Variants in WASHC4 observed in about 807,000 individuals in gnomAD.
The protein encoded by WASHC4 is WASH complex subunit 7.
In WASHC4, 86 loss-of-function variants were observed where a neutral mutation model predicts 166.6. The ratio of observed to expected loss-of-function variants is 0.52; its 90% confidence interval spans 0.43 to 0.62. The LOEUF (loss-of-function observed/expected upper bound fraction) is 0.62, where lower values mean the gene tolerates loss of function less well. WASHC4 is among the 20% of genes least tolerant of loss of function. WASHC4 has a pLI of 0.00. For missense variants in WASHC4, 1,262 were observed against 1,382.4 expected (o/e 0.91, Z 1.38); for synonymous variants, 446 against 451.6 (o/e 0.99, Z 0.16).
intron 13 of WASHC4, among the ~76,000 whole-genome samples, chr12:105,129,626 G>A (rs1195998019): frequency 6.6e-6 from 1 of 152,204 alleles, no homozygotes; most frequent in Admixed American, 6.5e-5. Context: ...CAGAAGGTCT[G>A]AGAACCATGC....
intron 1 of WASHC4, among the ~76,000 whole-genome samples, chr12:105,108,702 A>G (rs568446740): frequency 2.0e-5 from 3 of 152,302 alleles, no homozygotes; most frequent in Admixed American, 2.0e-4. Context: ...TAATCTGTGT[A>G]AGTGATCTAA....
Position 105,117,885 on chromosome 12 carries a change from T to A in WASHC4, c.436-561T>A, listed in dbSNP as rs572337604. Among the ~76,000 whole-genome samples the A allele has an allele frequency of 3.3e-5, 5 of 152,334 alleles. No individual in the cohort carries two copies. In the South Asian group the frequency reaches 1.0e-3, roughly 32 times the overall value. On this transcript the variant is annotated intron_variant, in intron 6 of 32. Transcript: ENST00000332180. Reference sequence around the variant, plus strand: ...TGTTAGATATGAGCTAATTATTTAATGACAAACATATCCCTAGGATAAGTG... The same window carrying A: ...TGTTAGATATGAGCTAATTATTTAAAGACAAACATATCCCTAGGATAAGTG...
At chr12:105,127,980 T>C (rs1195169324) in intron 13 of WASHC4, among the ~76,000 whole-genome samples, 2 of 152,222 alleles carry the variant, frequency 1.3e-5, no homozygotes, top group African/African-American at 4.8e-5. Flanking sequence ...ACATTCTTTC[T>C]TGAGTACATG....
intron 7 of WASHC4, among the ~76,000 whole-genome samples, chr12:105,118,936 G>A (rs1021787821): frequency 6.6e-5 from 10 of 152,184 alleles, no homozygotes; most frequent in African/African-American, 1.9e-4. Context: ...AAGAAATTTT[G>A]TGAGTAGTTC....
rs78446300 is a variant in WASHC4 at position 105,149,479 on chromosome 12, A to T, written c.2515-136A>T. 1.3e-3 allele frequency: 1,337 copies of T among 1,028,906 alleles called. 22 individuals are homozygous for T. In the African/African-American group the frequency reaches 0.02, roughly 16 times the overall value. 63.7% of individuals were successfully genotyped at this position (1,028,906 alleles called of 1,614,324 possible). A position where few individuals can be genotyped will look rare whatever the true frequency, so the allele number is the denominator to read the frequency against. ...TGTTATTTAAATATTTTCAGGTCCA[A>T]TATGAAATAGACTTTTTAAATAGTA... On this transcript the variant is annotated intron_variant, in intron 24 of 32. Transcript: ENST00000332180.
intron 15 of WASHC4, among the ~76,000 whole-genome samples, chr12:105,138,709 T>C (rs1468937774): frequency 6.6e-6 from 1 of 152,206 alleles, no homozygotes; most frequent in African/African-American, 2.4e-5. Flanking sequence ...TTGGAGATTC[T>C]GCCTTTGGAT....
chr12:105,132,787 AGTGTGTGTGTGTGTGTGT>A (rs58569487), intron 13 of WASHC4, among the ~76,000 whole-genome samples: 8 of 142,428 alleles, frequency 5.6e-5, no homozygotes, highest in Middle Eastern at 3.3e-3. Context: ...TGAAAGAGGT[AGTGTGTGTGTGTGTGTGT>A]GTGTGTGTGT....
intron 1 of WASHC4, among the ~76,000 whole-genome samples, chr12:105,108,539 C>T (rs1452827699): frequency 6.6e-6 from 1 of 152,178 alleles, no homozygotes; most frequent in Non-Finnish European, 1.5e-5. Flanking sequence ...TTTTGCTTCA[C>T]AAGATCGAAT....
chr12:105,149,096 T>C, intron 24 of WASHC4: 2 of 985,140 alleles, frequency 2.0e-6, no homozygotes, highest in African/African-American at 3.5e-5. Context: ...AAGGACCATG[T>C]CTAGCATGGG....
chr12:105,142,579 A>G, intron 19 of WASHC4, 21 bp downstream of exon 19: 1 of 1,261,202 alleles, frequency 7.9e-7, no homozygotes, highest in Non-Finnish European at 1.2e-6. Context: ...AACAATATAA[A>G]GAATAATTCT....
chr12:105,122,064 T>C, intron 9 of WASHC4, 54 bp from the exon 10 acceptor site: 2 of 1,349,866 alleles, frequency 1.5e-6, no homozygotes, highest in Non-Finnish European at 2.0e-6. Flanking sequence ...TTTTAATTTT[T>C]AATTTAAGAA....
At chr12:105,139,425 G>GTATATATATATA (rs71069791) in intron 15 of WASHC4, among the ~76,000 whole-genome samples, 9,733 of 101,538 alleles carry the variant, frequency 0.096, 789 homozygotes, top group Non-Finnish European at 0.11. Flanking sequence ...ATGTGTGTGT[G>GTATATATATATA]TATATATATA....
Position 105,140,283 on chromosome 12 carries a change from A to T in WASHC4, c.1453-11A>T. 6.3e-7 allele frequency: 1 copy of T among 1,594,154 alleles called. No individual in the cohort carries two copies. Among genetic ancestry groups the T allele is most frequent in the African/African-American group, 1.3e-5 (1 of 74,594 alleles). On this transcript the variant is annotated splice_polypyrimidine_tract_variant and intron_variant, in intron 15 of 32. Transcript: ENST00000332180. Reference sequence around the variant, plus strand: ...GTTGATTGTCAGAAAATTATTTCTGATTCTTTTTAGGCAATAGAGCATATG... The same window carrying T: ...GTTGATTGTCAGAAAATTATTTCTGTTTCTTTTTAGGCAATAGAGCATATG...
At position 105,107,768 on chromosome 12, in the gene WASHC4, G is replaced by T. The variant is rs1029531817; in HGVS notation, c.-33G>T. The T allele has an allele frequency of 3.3e-6, 5 of 1,529,296 alleles. No homozygotes were observed. The highest frequency in any genetic ancestry group is 1.4e-5 in the African/African-American group (1 of 72,518). 94.7% of individuals were successfully genotyped at this position (1,529,296 alleles called of 1,614,324 possible). The stretch of plus-strand genomic sequence containing the variant: ...GAGGCCGTCGTCGCCGCACGGGCTG[G>T]TTGGGGCTGTGTCTGTGGGAGGCGC... On this transcript the variant is annotated 5_prime_UTR_variant, in exon 1 of 33. Coordinates refer to ENST00000332180, the MANE Select transcript of WASHC4 (RefSeq NM_015275.3).
rs749077597 is a variant in WASHC4, at chr12:105,143,198, A to C, written c.1965A>C (p.Ile655=). ...MHARHLESYE[I]LLDCYDKEIM... ...CAAGGCATTTAGAGTCCTATGAGAT[A>C]CTTCTGGATTGCTATGACAAGGAAA... Residue 655 remains isoleucine, a synonymous_variant, in exon 20 of 33, where the codon ATA becomes ATC. Transcript: ENST00000332180. 6.2e-7 allele frequency: 1 copy of C among 1,609,502 alleles called. No homozygotes were observed. The highest frequency in any genetic ancestry group is 1.3e-5 in the African/African-American group (1 of 74,940).
chr12:105,131,000 C>T (rs1206734897), intron 13 of WASHC4, among the ~76,000 whole-genome samples: 6 of 152,058 alleles, frequency 3.9e-5, no homozygotes, highest in Non-Finnish European at 7.4e-5. Flanking sequence ...TAGGACACTT[C>T]ACGATTTTTG....
chr12:105,120,528 T>A, intron 7 of WASHC4, 27 bp from the exon 8 acceptor site: 1 of 1,487,226 alleles, frequency 6.7e-7, no homozygotes, highest in South Asian at 1.1e-5. Flanking sequence ...GGAAGTTTTT[T>A]TTAACTTGGT....
intron 26 of WASHC4, among the ~76,000 whole-genome samples, chr12:105,154,353 A>T (rs1883990136): frequency 6.6e-6 from 1 of 152,158 alleles, no homozygotes; most frequent in Non-Finnish European, 1.5e-5. Flanking sequence ...ACCTCTGCTT[A>T]TAAAACACTG....
At position 105,138,158 on chromosome 12, in the gene WASHC4, T is replaced by C. The variant is rs1566013006; in HGVS notation, c.1452+147T>C. 2.8e-5 allele frequency: 19 copies of C among 678,696 alleles called. No individual in the cohort carries two copies. In the East Asian group the frequency reaches 4.7e-4, roughly 17 times the overall value. 42.0% of individuals were successfully genotyped at this position (678,696 alleles called of 1,614,324 possible). ...TTCTCTCTCAATTGAATAAAGGAAC[T>C]AGCCATTTAAATAAATTTCTGAGTA... is the stretch of plus-strand genomic sequence containing the variant. On this transcript the variant is annotated intron_variant, in intron 15 of 32. Coordinates refer to ENST00000332180, the MANE Select transcript of WASHC4 (RefSeq NM_015275.3).
Sources: gnomAD v4.1 joint callset for allele counts (sites outside exome capture counted in the v4.1 genomes callset) on GRCh38, gnomAD v4.1.1 for gene constraint, MANE v1.5 for transcripts, NCBI Gene and HGNC (gene_info 2026-07-23, HGNC 2026-07-21) for gene names.